Variants in CNOT4 observed in about 807,000 individuals in gnomAD.
CNOT4 encodes CCR4-associated factor 4.
A neutral mutation model predicts 73.8 loss-of-function variants in CNOT4; 8 were observed. That is an observed-to-expected ratio of 0.11 (90% confidence interval 0.06 to 0.20). The LOEUF (loss-of-function observed/expected upper bound fraction) is 0.20, where lower values mean the gene tolerates loss of function less well. CNOT4 is among the 10% of genes least tolerant of loss of function. The pLI, the probability that CNOT4 is intolerant of heterozygous loss-of-function variation, is 1.00. For missense variants in CNOT4, 564 were observed against 883.4 expected (o/e 0.64, Z 4.58); for synonymous variants, 293 against 321.1 (o/e 0.91, Z 0.94).
At chr7:135,464,857 C>T (rs967579920) in intron 1 of CNOT4, among the ~76,000 whole-genome samples, 2 of 151,930 alleles carry the variant, frequency 1.3e-5, no homozygotes, top group African/African-American at 4.8e-5. Context: ...TTGATATTTA[C>T]TGTTAATAAA....
Position 135,362,585 on chromosome 7 carries a change from C to T in CNOT4, c.*300G>A. 2.0e-6 allele frequency: 1 copy of T among 504,836 alleles called. No homozygotes were observed. Among genetic ancestry groups the T allele is most frequent in the South Asian group, 2.1e-5 (1 of 47,712 alleles). The allele number at this position is 504,836 out of a possible 1,614,324, so 31.3% of individuals were successfully genotyped here. ...GTCATTATTATGCGCAACAGACAAA[C>T]AATAATTTTCTAAGTATTGAGACTG... On this transcript the variant is annotated 3_prime_UTR_variant, in exon 12 of 12. Coordinates refer to ENST00000541284, the MANE Select transcript of CNOT4 (RefSeq NM_001190850.2).
At chr7:135,378,918 G>A (rs1005756602) in intron 10 of CNOT4, among the ~76,000 whole-genome samples, 3 of 150,332 alleles carry the variant, frequency 2.0e-5, no homozygotes, top group African/African-American at 7.3e-5. Flanking sequence ...CAGGGAGGTC[G>A]AGGTTGCAGT....
intron 10 of CNOT4, among the ~76,000 whole-genome samples, chr7:135,373,688 C>T (rs777049489): frequency 1.1e-4 from 16 of 152,200 alleles, no homozygotes; most frequent in African/African-American, 2.6e-4. Context: ...GCAATTCTCC[C>T]GCCTCAGCCT....
At chr7:135,505,628 G>A (rs892574404) in intron 1 of CNOT4, among the ~76,000 whole-genome samples, 5 of 152,074 alleles carry the variant, frequency 3.3e-5, no homozygotes, top group Non-Finnish European at 7.4e-5. Flanking sequence ...TACTCAAACT[G>A]TGTTATACCA....
intron 2 of CNOT4, among the ~76,000 whole-genome samples, chr7:135,436,582 C>T (rs553167120): frequency 2.6e-5 from 4 of 151,556 alleles, no homozygotes; most frequent in Admixed American, 6.6e-5. Context: ...TTTTCATTTA[C>T]CTTTCCATTC....
chr7:135,484,126 C>T (rs1199779682), intron 1 of CNOT4, among the ~76,000 whole-genome samples: 1 of 151,930 alleles, frequency 6.6e-6, no homozygotes, highest in Non-Finnish European at 1.5e-5. Context: ...CCCTGGGAGG[C>T]GAAGGTAGCA....
At chr7:135,458,363 G>A (rs1040831729) in intron 1 of CNOT4, among the ~76,000 whole-genome samples, 2 of 152,078 alleles carry the variant, frequency 1.3e-5, no homozygotes, top group African/African-American at 4.8e-5. Flanking sequence ...CTGGTGGAGG[G>A]TCTTGCCTTG....
In CNOT4 at chr7:135,455,980, A is replaced by G. The variant is rs1045131518; in HGVS notation, c.-92-17557T>C. Among the ~76,000 whole-genome samples the G allele has an allele frequency of 3.3e-4, 50 of 152,254 alleles. 1 individual carries two copies. The highest frequency in any genetic ancestry group is 1.2e-3 in the African/African-American group (50 of 41,466). Reference sequence around the variant, plus strand: ...AACTCACTTACACCACTGCCATCTTAGAAAGTAAAACCCCCATTTAAAAAT... The same window carrying G: ...AACTCACTTACACCACTGCCATCTTGGAAAGTAAAACCCCCATTTAAAAAT... On this transcript the variant is annotated intron_variant, in intron 1 of 11. Coordinates refer to ENST00000541284, the MANE Select transcript of CNOT4 (RefSeq NM_001190850.2).
intron 10 of CNOT4, among the ~76,000 whole-genome samples, chr7:135,392,894 G>C (rs189612773): frequency 6.6e-6 from 1 of 152,202 alleles, no homozygotes; most frequent in African/African-American, 2.4e-5. Context: ...ACAAGAGCGT[G>C]AACTTCTGCC....
intron 1 of CNOT4, among the ~76,000 whole-genome samples, chr7:135,450,948 C>T (rs969769274): frequency 5.9e-5 from 9 of 152,018 alleles, no homozygotes; most frequent in Non-Finnish European, 8.8e-5. Flanking sequence ...CAAAGTGAGA[C>T]TGACTCAAAA....
chr7:135,370,954 AAAG>A (rs1439671807), intron 10 of CNOT4, among the ~76,000 whole-genome samples: 1 of 152,234 alleles, frequency 6.6e-6, no homozygotes. Context: ...AAAACTGTTT[AAAG>A]AAGGAATGTT....
chr7:135,415,087 T>C, intron 4 of CNOT4, 89 bp downstream of exon 4: 1 of 782,634 alleles, frequency 1.3e-6, no homozygotes, highest in Non-Finnish European at 2.2e-6. Flanking sequence ...TCAAGCTTTC[T>C]AATCAGAGAG....
intron 2 of CNOT4, among the ~76,000 whole-genome samples, chr7:135,424,086 CACACAT>C (rs1798357948): frequency 2.8e-5 from 3 of 107,262 alleles, no homozygotes; most frequent in Non-Finnish European, 5.9e-5. Context: ...CACACACACA[CACACAT>C]TTTTTATTAA....
At chr7:135,474,032 T>C (rs1585701658) in intron 1 of CNOT4, among the ~76,000 whole-genome samples, 1 of 148,320 alleles carries the variant, frequency 6.7e-6, no homozygotes, top group Admixed American at 6.8e-5. Context: ...CAGGCTGGAG[T>C]GCAATGGTGC....
In CNOT4 at chr7:135,472,472, G is replaced by A. The variant is rs1440633009; in HGVS notation, c.-92-34049C>T. ...AGCCCGGGCGACAGAGCGAGACACC[G>A]ACTCAAAAAAAAAAAAAAAAAAAAA... On this transcript the variant is annotated intron_variant, in intron 1 of 11. Coordinates refer to ENST00000541284, the MANE Select transcript of CNOT4 (RefSeq NM_001190850.2). 9.4e-5 allele frequency among the ~76,000 whole-genome samples: 5 copies of A among 53,114 alleles called. No homozygotes were observed. The Admixed American group carries it at 1.2e-3, about 13-fold the overall frequency. The allele number at this position is 53,114 out of a possible 152,430, so 34.8% of individuals were successfully genotyped here.
intron 10 of CNOT4, among the ~76,000 whole-genome samples, chr7:135,381,546 G>A (rs1468024489): frequency 2.0e-5 from 3 of 152,174 alleles, no homozygotes; most frequent in Non-Finnish European, 4.4e-5. Context: ...AGTTGCAGTA[G>A]TACTGCTATG....
At chr7:135,453,847 T>TATATATATATATATATA (rs1554438701) in intron 1 of CNOT4, among the ~76,000 whole-genome samples, 1 of 119,360 alleles carries the variant, frequency 8.4e-6, no homozygotes, top group Admixed American at 9.1e-5. Flanking sequence ...TATATATATA[T>TATATATATATATATATA]TATATATATA....
chr7:135,490,899 G>C (rs957004556), intron 1 of CNOT4, among the ~76,000 whole-genome samples: 1 of 152,262 alleles, frequency 6.6e-6, no homozygotes, highest in African/African-American at 2.4e-5. Flanking sequence ...CCCAGCAAGA[G>C]ATGATGGTGG....
rs756736493 is a variant in CNOT4, at chr7:135,364,098, T to TA, written c.1628-33dup. On this transcript the variant is annotated intron_variant, in intron 10 of 11. Coordinates refer to ENST00000541284, the MANE Select transcript of CNOT4 (RefSeq NM_001190850.2). The surrounding 1 kb of genome is among the most constrained non-coding windows in gnomAD (Gnocchi z 4.3). ...GATTTACCAACAAAAAAATGAAAGA[T>TA]AAAAAAAAATAAAAAGCTACGTTAG... 5.0e-4 allele frequency: 698 copies of TA among 1,406,634 alleles called. No homozygotes were observed. Among genetic ancestry groups the TA allele is most frequent in the Non-Finnish European group, 5.5e-4 (567 of 1,030,436 alleles). 87.1% of individuals were successfully genotyped at this position (1,406,634 alleles called of 1,614,324 possible). A position where few individuals can be genotyped will look rare whatever the true frequency, so the allele number is the denominator to read the frequency against.
Sources: gnomAD v4.1 joint callset for allele counts (sites outside exome capture counted in the v4.1 genomes callset) on GRCh38, gnomAD v4.1.1 for gene constraint, Gnocchi (gnomAD v3.1) non-coding constraint, MANE v1.5 for transcripts, NCBI Gene and HGNC (gene_info 2026-07-23, HGNC 2026-07-21) for gene names.